The following STXBP5L variants were observed in gnomAD, a reference collection of about 807,000 sequenced individuals.
STXBP5L encodes the protein syntaxin-binding protein 5-like.
A neutral mutation model predicts 144.5 loss-of-function variants in STXBP5L; 65 were observed. The ratio of observed to expected loss-of-function variants is 0.45; its 90% CI spans 0.37 to 0.55. The LOEUF is 0.55. Ranked by LOEUF, STXBP5L falls within the 20% of genes least tolerant of loss-of-function variation. STXBP5L has a pLI of 0.00. For missense variants in STXBP5L, 1,298 were observed against 1,405.5 expected (o/e 0.92, Z 1.22); for synonymous variants, 505 against 469.6 (o/e 1.08, Z -0.97).
chr3:121,175,103 C>A (rs565427963), intron 9 of STXBP5L, among the ~76,000 whole-genome samples: 2 of 152,116 alleles, frequency 1.3e-5, no homozygotes, highest in African/African-American at 4.8e-5. Context: ...GTCCACACAC[C>A]AGTTTGCCAA....
intron 9 of STXBP5L, among the ~76,000 whole-genome samples, chr3:121,197,105 ATTC>A (rs1306589892): frequency 1.3e-5 from 2 of 151,872 alleles, no homozygotes; most frequent in African/African-American, 4.8e-5. Context: ...TCTTCGTTTC[ATTC>A]TTCACAAAGT....
intron 9 of STXBP5L, among the ~76,000 whole-genome samples, chr3:121,178,386 T>C (rs1003925709): frequency 5.3e-5 from 8 of 152,216 alleles, no homozygotes; most frequent in Non-Finnish European, 1.0e-4. Context: ...GATGGCACAT[T>C]ACATCTGTTG....
intron 2 of STXBP5L, among the ~76,000 whole-genome samples, chr3:120,930,838 T>C (rs985720988): frequency 6.6e-6 from 1 of 152,088 alleles, no homozygotes; most frequent in Non-Finnish European, 1.5e-5. Context: ...TAACTGCTGC[T>C]TCCCTCTTCC....
intron 3 of STXBP5L, among the ~76,000 whole-genome samples, chr3:120,979,141 C>T (rs1941450302): frequency 6.6e-6 from 1 of 152,222 alleles, no homozygotes; most frequent in Non-Finnish European, 1.5e-5. Flanking sequence ...CTGTGCCTTG[C>T]CACCAGAGGT....
intron 14 of STXBP5L, among the ~76,000 whole-genome samples, chr3:121,245,611 G>A (rs2049823237): frequency 6.6e-6 from 1 of 151,990 alleles, no homozygotes; most frequent in Non-Finnish European, 1.5e-5. Context: ...AGAAAAAGAT[G>A]TACCATGCAA....
chr3:121,051,943 T>C (rs560419383), intron 5 of STXBP5L, among the ~76,000 whole-genome samples: 51 of 151,744 alleles, frequency 3.4e-4, no homozygotes, highest in Non-Finnish European at 6.2e-4. Flanking sequence ...TCAGAGAATA[T>C]TACAAACACC....
chr3:120,987,450 T>G (rs1165586425), intron 3 of STXBP5L, among the ~76,000 whole-genome samples: 1 of 151,982 alleles, frequency 6.6e-6, no homozygotes, highest in African/African-American at 2.4e-5. Context: ...TTTGCCCATT[T>G]TATATTTTGA....
chr3:121,192,541 T>C (rs28821598), intron 9 of STXBP5L, among the ~76,000 whole-genome samples: 5,358 of 152,302 alleles, frequency 0.035, 135 homozygotes, highest in Non-Finnish European at 0.05. Context: ...AGAACAAAGC[T>C]GGAGGCATCA....
chr3:121,197,675 C>G (rs1206327010), intron 9 of STXBP5L, among the ~76,000 whole-genome samples: 1 of 152,034 alleles, frequency 6.6e-6, no homozygotes, highest in South Asian at 2.1e-4. Context: ...CCACAGCATG[C>G]CCCAGTATTT....
intron 5 of STXBP5L, among the ~76,000 whole-genome samples, chr3:121,083,783 A>G (rs753416054): frequency 4.6e-5 from 7 of 152,174 alleles, no homozygotes; most frequent in Admixed American, 1.3e-4. Flanking sequence ...CAATTTTCTT[A>G]GTAGCTACAG....
chr3:121,075,623 T>C (rs542972510), intron 5 of STXBP5L, among the ~76,000 whole-genome samples: 2 of 152,234 alleles, frequency 1.3e-5, no homozygotes, highest in Non-Finnish European at 2.9e-5. Flanking sequence ...AAATGGCGTG[T>C]AAAGCCAGTA....
intron 11 of STXBP5L, among the ~76,000 whole-genome samples, chr3:121,230,942 A>G (rs184150514): frequency 1.3e-5 from 2 of 152,330 alleles, no homozygotes; most frequent in East Asian, 3.9e-4. Context: ...TCTAGAATCA[A>G]TTAGAAAGCC....
chr3:121,367,790 C>CTTTTTTTTTTTTTTTT (rs200992044), intron 20 of STXBP5L, among the ~76,000 whole-genome samples: 1 of 106,302 alleles, frequency 9.4e-6, no homozygotes, highest in African/African-American at 3.8e-5. Context: ...TTTGCTTTTC[C>CTTTTTTTTTTTTTTTT]TTTTTTTTTT....
At chr3:121,055,132 A>T (rs1331633506) in intron 5 of STXBP5L, among the ~76,000 whole-genome samples, 1 of 152,214 alleles carries the variant, frequency 6.6e-6, no homozygotes, top group African/African-American at 2.4e-5. Context: ...TACATTAAAG[A>T]TAAATGTGAT....
chr3:121,096,003 C>T (rs1472626727), intron 5 of STXBP5L, among the ~76,000 whole-genome samples: 2 of 152,100 alleles, frequency 1.3e-5, no homozygotes, highest in African/African-American at 4.8e-5. Flanking sequence ...TCTGTCACCG[C>T]TTCTCTGGGC....
intron 5 of STXBP5L, among the ~76,000 whole-genome samples, chr3:121,070,621 C>A (rs2041767053): frequency 6.6e-6 from 1 of 152,082 alleles, no homozygotes; most frequent in Admixed American, 6.6e-5. Context: ...TGGGTACATA[C>A]CCATCTTGTG....
intron 3 of STXBP5L, among the ~76,000 whole-genome samples, chr3:120,971,666 T>A (rs112411757): frequency 6.6e-6 from 1 of 151,114 alleles, no homozygotes; most frequent in Non-Finnish European, 1.5e-5. Flanking sequence ...CACACACATA[T>A]ACATTCATCT....
At position 121,344,990 on chromosome 3, in the gene STXBP5L, TA is replaced by T. The variant is rs577911184; in HGVS notation, c.2176+26457del. Among the ~76,000 whole-genome samples the T allele has an allele frequency of 7.5e-3, 1,127 of 150,978 alleles. 15 individuals carry two copies. The highest frequency in any genetic ancestry group is 0.026 in the African/African-American group (1,063 of 41,234). ...ATATATATACACATTTTTGTATATA[TA>T]AAAAAAGTAAGTACAGAAAGCATAT... is the stretch of plus-strand genomic sequence containing the variant. On this transcript the variant is annotated intron_variant, in intron 20 of 26. Transcript: ENST00000471454.
chr3:121,342,474 T>C (rs987331736), intron 20 of STXBP5L, among the ~76,000 whole-genome samples: 1 of 151,328 alleles, frequency 6.6e-6, no homozygotes, highest in African/African-American at 2.4e-5. Flanking sequence ...ATTAGGTATA[T>C]CTCCCACAGC....
Sources: gnomAD v4.1 joint callset for allele counts (sites outside exome capture counted in the v4.1 genomes callset) on GRCh38, gnomAD v4.1.1 for gene constraint, MANE v1.5 for transcripts, NCBI Gene and HGNC (gene_info 2026-07-23, HGNC 2026-07-21) for gene names.